The following CCNB3 variants were observed in gnomAD, a reference collection of about 807,000 sequenced individuals.
The protein encoded by CCNB3 is G2/mitotic-specific cyclin-B3.
A neutral mutation model predicts 68.0 loss-of-function variants in CCNB3; 12 were observed. That is an observed-to-expected ratio of 0.18 (90% CI 0.11 to 0.29). The LOEUF is 0.29. CCNB3 is among the 10% of genes least tolerant of loss of function. CCNB3 has a pLI of 1.00. For missense variants in CCNB3, 904 were observed against 993.1 expected (o/e 0.91, Z 1.21); for synonymous variants, 354 against 388.9 (o/e 0.91, Z 1.06).
At chrX:50,205,730 C>T (rs1346509283) in intron 1 of CCNB3, among the ~76,000 whole-genome samples, 3 of 110,684 alleles carry the variant, frequency 2.7e-5, no homozygotes, top group Non-Finnish European at 3.8e-5. Flanking sequence ...CTGAGGCAGG[C>T]GGATCACGAG....
intron 5 of CCNB3, among the ~76,000 whole-genome samples, chrX:50,299,119 T>C (rs782352170): frequency 8.8e-4 from 98 of 111,946 alleles, no homozygotes; most frequent in African/African-American, 3.1e-3. Context: ...GGGATTTTTG[T>C]GTCTCTATTG....
chrX:50,203,201 A>G (rs782621508), upstream of CCNB3, among the ~76,000 whole-genome samples: 12 of 112,071 alleles, frequency 1.1e-4, no homozygotes, highest in South Asian at 4.5e-3. Context: ...AAGAGTGCAA[A>G]TCAATACTTT....
chrX:50,339,427 T>C (rs1923016300), intron 8 of CCNB3, among the ~76,000 whole-genome samples: 1 of 112,442 alleles, frequency 8.9e-6, no homozygotes, highest in Non-Finnish European at 1.9e-5. Context: ...GATGACTGAA[T>C]AGAATGAAAG....
At chrX:50,304,872 G>A (rs1557213243) in intron 5 of CCNB3, among the ~76,000 whole-genome samples, 6 of 112,086 alleles carry the variant, frequency 5.4e-5, no homozygotes. Context: ...CTCAAAAGAA[G>A]ACATTTATGC....
At chrX:50,204,417 T>C (rs1935314674), upstream of CCNB3, 1 of 109,221 alleles carries the variant, frequency 9.2e-6, no homozygotes. Flanking sequence ...ACCACTTTAA[T>C]TATAAATGAC....
chrX:50,213,372 T>G (rs1370607660), intron 1 of CCNB3, among the ~76,000 whole-genome samples: 2 of 112,137 alleles, frequency 1.8e-5, no homozygotes, highest in Non-Finnish European at 3.8e-5. Flanking sequence ...ATGGTATATA[T>G]TAAATAATAC....
In CCNB3 at chrX:50,351,753, T is replaced by A. The variant is rs1923695569; in HGVS notation, c.*50T>A. ...ATGTTAACAGGGTATATTTATTCTA[T>A]GTTCGAATTTGTCTTTTGATCGCTT... is the stretch of plus-strand genomic sequence containing the variant. On this transcript the variant is annotated 3_prime_UTR_variant, in exon 13 of 13. Transcript: ENST00000376042. The A allele has an allele frequency of 1.1e-6, 1 of 926,008 alleles. No individual in the cohort carries two copies. Among genetic ancestry groups the A allele is most frequent in the Non-Finnish European group, 1.5e-6 (1 of 664,619 alleles). 76.3% of individuals were successfully genotyped at this position (926,008 alleles called of 1,213,427 possible). A position where few individuals can be genotyped will look rare whatever the true frequency, so the allele number is the denominator to read the frequency against.
intron 8 of CCNB3, among the ~76,000 whole-genome samples, chrX:50,335,101 G>A (rs138563223): frequency 1.8e-5 from 2 of 111,819 alleles, no homozygotes; most frequent in East Asian, 5.7e-4. Flanking sequence ...AAGGTCGTCC[G>A]TGTACTGGAG....
chrX:50,227,068 C>A (rs1935864313), intron 1 of CCNB3, among the ~76,000 whole-genome samples: 3 of 69,079 alleles, frequency 4.3e-5, no homozygotes, highest in East Asian at 4.2e-4. Context: ...AATATATATA[C>A]AAATATAAAG....
At chrX:50,216,980 T>A (rs1935582301) in intron 1 of CCNB3, among the ~76,000 whole-genome samples, 2 of 111,208 alleles carry the variant, frequency 1.8e-5, no homozygotes, top group South Asian at 7.7e-4. Context: ...ATATTACTGT[T>A]TTTAACATTT....
intron 9 of CCNB3, among the ~76,000 whole-genome samples, chrX:50,343,911 C>G (rs1923265234): frequency 9.0e-6 from 1 of 111,660 alleles, no homozygotes; most frequent in African/African-American, 3.3e-5. Flanking sequence ...CCTAATTGTA[C>G]AGGTACAGTG....
In CCNB3 at chrX:50,351,801, T is replaced by C. The variant is rs781931523; in HGVS notation, c.*98T>C. 10 of 571,406 alleles carry C rather than the reference T, an allele frequency of 1.8e-5. No individual in the cohort carries two copies. The African/African-American group carries it at 1.9e-4, about 11-fold the overall frequency. The allele number at this position is 571,406 out of a possible 1,213,427, so 47.1% of individuals were successfully genotyped here. A position where few individuals can be genotyped will look rare whatever the true frequency, so the allele number is the denominator to read the frequency against. On this transcript the variant is annotated 3_prime_UTR_variant, in exon 13 of 13. Coordinates refer to ENST00000376042, the MANE Select transcript of CCNB3 (RefSeq NM_033031.3). ...CTTTTATTCATTTTTCCTTTCTTTG[T>C]CTTTTCCCAAACTGATAATGTTATA...
chrX:50,219,883 T>A (rs1336032977), intron 1 of CCNB3, among the ~76,000 whole-genome samples: 2 of 112,043 alleles, frequency 1.8e-5, no homozygotes, highest in Non-Finnish European at 3.8e-5. Context: ...TTTTATGATA[T>A]TGATTCTTCC....
chrX:50,327,328 A>G (rs1212119525), intron 8 of CCNB3, among the ~76,000 whole-genome samples: 3 of 112,697 alleles, frequency 2.7e-5, no homozygotes, highest in African/African-American at 9.7e-5. Context: ...GGCTGTCACA[A>G]GAAGGATTAG....
chrX:50,226,293 A>AATATATATATTTATATATATAG lies in CCNB3; in HGVS notation c.-113+21353_-113+21354insTTATATATATAGATATATATAT, dbSNP rs1935789480. Reference sequence around the variant, plus strand: ...AGAATATATATATTTATATATATAGAATATATATATAGAAATATATAAACA... The same window carrying AATATATATATTTATATATATAG: ...AGAATATATATATTTATATATATAGAATATATATATTTATATATATAGATATATATATAGAAATATATAAACA... On this transcript the variant is annotated intron_variant, in intron 1 of 12. Coordinates refer to ENST00000376042, the MANE Select transcript of CCNB3 (RefSeq NM_033031.3). 1.5e-3 allele frequency among the ~76,000 whole-genome samples: 89 copies of AATATATATATTTATATATATAG among 60,455 alleles called. 3 individuals are homozygous for AATATATATATTTATATATATAG. Among genetic ancestry groups the AATATATATATTTATATATATAG allele is most frequent in the Non-Finnish European group, 2.1e-3 (79 of 38,268 alleles). The allele number at this position is 60,455 out of a possible 115,157, so 52.5% of individuals were successfully genotyped here.
At chrX:50,220,715 G>A (rs1935655861) in intron 1 of CCNB3, among the ~76,000 whole-genome samples, 1 of 111,799 alleles carries the variant, frequency 8.9e-6, no homozygotes, top group African/African-American at 3.2e-5. Flanking sequence ...GTTCGTCAGG[G>A]ATATTGGCCT....
chrX:50,351,221 A>G lies in CCNB3; in HGVS notation c.3961-20A>G. ...TGTGCTTCCTATAGTAGAAATCACT[A>G]TTCATGCTGCTTCTTCCAGGTTCCC... On this transcript the variant is annotated intron_variant, in intron 11 of 12. Coordinates refer to ENST00000376042, the MANE Select transcript of CCNB3 (RefSeq NM_033031.3). 2 of 1,210,439 alleles carry G rather than the reference A, an allele frequency of 1.7e-6. No homozygotes were observed. The highest frequency in any genetic ancestry group is 3.0e-5 in the East Asian group (1 of 33,842).
chrX:50,226,829 TGAATATATATAGTATATATATA>T (rs1935840105), intron 1 of CCNB3, among the ~76,000 whole-genome samples: 2 of 65,860 alleles, frequency 3.0e-5, no homozygotes, highest in Admixed American at 2.3e-4. Flanking sequence ...AATATATACA[TGAATATATATAGTATATATATA>T]GAATATATAT....
chrX:50,222,902 G>A (rs1935694897), intron 1 of CCNB3, among the ~76,000 whole-genome samples: 1 of 111,228 alleles, frequency 9.0e-6, no homozygotes, highest in Non-Finnish European at 1.9e-5. Flanking sequence ...TCAGGTACAC[G>A]AATCAAACGT....
Sources: allele counts gnomAD v4.1 joint callset (sites outside exome capture counted in the v4.1 genomes callset), GRCh38; gene constraint gnomAD v4.1.1; transcripts MANE v1.5; gene names NCBI Gene and HGNC (gene_info 2026-07-23, HGNC 2026-07-21).